Variants in CTNNA3 observed in about 807,000 individuals in gnomAD.
CTNNA3 encodes the protein catenin alpha 3.
A neutral mutation model predicts 95.7 loss-of-function variants in CTNNA3; 76 were observed. The observed-to-expected ratio is 0.79, with a 90% confidence interval of 0.66 to 0.96. The LOEUF is 0.96. CTNNA3 is among the 40% of genes least tolerant of loss of function. The pLI, the probability that CTNNA3 is intolerant of heterozygous loss-of-function variation, is 0.00. For missense variants in CTNNA3, 1,191 were observed against 1,089.8 expected (o/e 1.09, Z -1.31); for synonymous variants, 431 against 374.4 (o/e 1.15, Z -1.74).
rs189730591 is a variant in CTNNA3 at position 66,522,481 on chromosome 10, T to C, written c.1375-1708A>G. Among the ~76,000 whole-genome samples, 301 of 152,158 alleles carry C rather than the reference T, an allele frequency of 2.0e-3. 1 individual carries two copies. The highest frequency in any genetic ancestry group is 2.4e-3 in the Non-Finnish European group (165 of 67,994). On this transcript the variant is annotated intron_variant, in intron 10 of 17. Coordinates refer to ENST00000433211, the MANE Select transcript of CTNNA3 (RefSeq NM_013266.4). ...CCATGCTGTTCTTATGATAGTTGAG[T>C]TCTCACGAGATCTGATAGTTTCATA...
At chr10:66,816,032 G>A (rs887095927) in intron 7 of CTNNA3, among the ~76,000 whole-genome samples, 7 of 152,068 alleles carry the variant, frequency 4.6e-5, no homozygotes, top group East Asian at 1.9e-4. Context: ...CTACCAATTC[G>A]TGTTGACGGG....
At chr10:67,455,776 G>T (rs1315342700) in intron 5 of CTNNA3, among the ~76,000 whole-genome samples, 1 of 152,034 alleles carries the variant, frequency 6.6e-6, no homozygotes, top group African/African-American at 2.4e-5. Flanking sequence ...AAACTTCCTT[G>T]TTTTTCATGT....
intron 3 of CTNNA3, among the ~76,000 whole-genome samples, chr10:67,564,785 T>C (rs1280382262): frequency 2.7e-5 from 3 of 110,452 alleles, no homozygotes; most frequent in African/African-American, 9.2e-5. Flanking sequence ...CAATAAAACC[T>C]GATACATTAC....
At chr10:67,459,633 A>C (rs188001350) in intron 5 of CTNNA3, among the ~76,000 whole-genome samples, 8 of 152,332 alleles carry the variant, frequency 5.3e-5, no homozygotes, top group Admixed American at 4.6e-4. Context: ...TAGTTTCACT[A>C]TCTCAGATCA....
intron 13 of CTNNA3, among the ~76,000 whole-genome samples, chr10:66,126,275 T>C (rs1398271127): frequency 6.6e-6 from 1 of 152,160 alleles, no homozygotes; most frequent in African/African-American, 2.4e-5. Context: ...AATTAAACAG[T>C]TAGGTAAACA....
At chr10:66,663,161 A>G (rs1846321765) in intron 9 of CTNNA3, among the ~76,000 whole-genome samples, 1 of 152,164 alleles carries the variant, frequency 6.6e-6, no homozygotes, top group African/African-American at 2.4e-5. Context: ...CACAACAGCC[A>G]GAATGATCTG....
chr10:66,510,367 A>T (rs145627846), intron 11 of CTNNA3, among the ~76,000 whole-genome samples: 4 of 151,850 alleles, frequency 2.6e-5, no homozygotes, highest in African/African-American at 9.7e-5. Context: ...CTCTTTTCCA[A>T]TGTGGATGGC....
At chr10:66,035,868 A>C (rs2079553095) in intron 15 of CTNNA3, among the ~76,000 whole-genome samples, 1 of 152,198 alleles carries the variant, frequency 6.6e-6, no homozygotes, top group African/African-American at 2.4e-5. Flanking sequence ...AGGATTACTT[A>C]AAAACTATCA....
At chr10:67,367,731 G>A (rs1413028848) in intron 5 of CTNNA3, among the ~76,000 whole-genome samples, 1 of 152,196 alleles carries the variant, frequency 6.6e-6, no homozygotes, top group South Asian at 2.1e-4. Flanking sequence ...AAAAAATAAC[G>A]AAGTCTTGTT....
At chr10:66,504,389 G>A (rs1391171564) in intron 11 of CTNNA3, among the ~76,000 whole-genome samples, 1 of 152,160 alleles carries the variant, frequency 6.6e-6, no homozygotes, top group East Asian at 1.9e-4. Context: ...TCCCCAGGAT[G>A]CTTTCTAAGT....
Position 67,738,790 on chromosome 10 carries a change from C to A in CTNNA3, c.-2+24644G>T, listed in dbSNP as rs376215401. The stretch of plus-strand genomic sequence containing the variant: ...AAACCAAGGCACAAGAACTACATAA[C>A]GAATGCACAAGCCTCGGAAGCCAAT... On this transcript the variant is annotated intron_variant, in intron 1 of 17. Coordinates refer to the CTNNA3 transcript ENST00000684154. Among the ~76,000 whole-genome samples, 21 of 151,890 alleles carry A rather than the reference C, an allele frequency of 1.4e-4. 1 individual carries two copies. The highest frequency in any genetic ancestry group is 5.9e-4 in the Admixed American group (9 of 15,256).
At chr10:67,521,760 A>G in intron 5 of CTNNA3, 82 bp downstream of exon 5, 1 of 1,527,888 alleles carries the variant, frequency 6.5e-7, no homozygotes, top group South Asian at 1.3e-5. Flanking sequence ...GTTTCCTCAG[A>G]CCCACCTGCA....
intron 5 of CTNNA3, among the ~76,000 whole-genome samples, chr10:67,469,438 T>C (rs1847732052): frequency 6.6e-6 from 1 of 152,112 alleles, no homozygotes; most frequent in Admixed American, 6.6e-5. Context: ...TTTTTAAGGA[T>C]GAGTTCATGT....
intron 13 of CTNNA3, among the ~76,000 whole-genome samples, chr10:66,112,785 G>A (rs916729977): frequency 1.1e-4 from 16 of 151,206 alleles, no homozygotes; most frequent in African/African-American, 2.4e-4. Flanking sequence ...CACACTTGTC[G>A]TTGCATATGA....
At chr10:67,560,922 C>G (rs540546147) in intron 3 of CTNNA3, among the ~76,000 whole-genome samples, 1 of 152,082 alleles carries the variant, frequency 6.6e-6, no homozygotes, top group African/African-American at 2.4e-5. Context: ...GGGATCAATT[C>G]AACAAGAAGA....
chr10:67,168,438 A>T (rs1303865372), intron 7 of CTNNA3, among the ~76,000 whole-genome samples: 2 of 152,216 alleles, frequency 1.3e-5, no homozygotes, highest in Non-Finnish European at 2.9e-5. Context: ...ATCCACCATG[A>T]TCAAGTAGAC....
At chr10:67,389,377 T>A (rs1198611748) in intron 5 of CTNNA3, among the ~76,000 whole-genome samples, 1 of 150,014 alleles carries the variant, frequency 6.7e-6, no homozygotes, top group African/African-American at 2.4e-5. Context: ...TAAATATATA[T>A]GCACCCAATA....
At chr10:67,589,227 C>A (rs1280439703) in intron 3 of CTNNA3, among the ~76,000 whole-genome samples, 1 of 152,082 alleles carries the variant, frequency 6.6e-6, no homozygotes, top group African/African-American at 2.4e-5. Context: ...TTCCTATGTG[C>A]CTCCACAGCC....
chr10:65,956,838 G>A (rs1013786392), intron 17 of CTNNA3, among the ~76,000 whole-genome samples: 10 of 152,190 alleles, frequency 6.6e-5, no homozygotes, highest in African/African-American at 9.6e-5. Flanking sequence ...TAAGTGCGAC[G>A]TTGTGCTGAG....
Sources: allele counts gnomAD v4.1 joint callset (sites outside exome capture counted in the v4.1 genomes callset), GRCh38; gene constraint gnomAD v4.1.1; transcripts MANE v1.5; gene names NCBI Gene and HGNC (gene_info 2026-07-23, HGNC 2026-07-21).